Variants in LMO7 observed in about 807,000 individuals in gnomAD.
LMO7 encodes LIM domain only protein 7.
A neutral mutation model predicts 206.5 loss-of-function variants in LMO7; 120 were observed. That is an observed-to-expected ratio of 0.58 (90% CI 0.50 to 0.68). The LOEUF is 0.68. LMO7 is among the 30% of genes least tolerant of loss of function. LMO7 has a pLI of 0.00. For missense variants in LMO7, 1,959 were observed against 1,957.9 expected (o/e 1.00, Z -0.01); for synonymous variants, 706 against 681.5 (o/e 1.04, Z -0.56).
intron 3 of LMO7, among the ~76,000 whole-genome samples, chr13:75,756,916 C>T (rs2047722352): frequency 6.6e-6 from 1 of 152,174 alleles, no homozygotes; most frequent in African/African-American, 2.4e-5. Flanking sequence ...GGACATGAAT[C>T]ACTGAGGTGG....
At position 75,804,465 on chromosome 13, in the gene LMO7, A is replaced by G. The variant is rs368333382; in HGVS notation, c.838A>G (p.Lys280Glu). The part of the protein sequence containing the change: ...SYVPAPLRKK[K>E]PDKHEDNRRS... ...TGTACCAGCACCTCTGAGAAAGAAA[A>G]AGCCAGACAAACATGAGGATAACAG... The change falls in exon 8 of 31, where the codon AAG (lysine) becomes GAG (glutamate). Residue 280 changes from lysine to glutamate, a missense_variant. Coordinates refer to ENST00000377534, the MANE Select transcript of LMO7 (RefSeq NM_001306080.2). The G allele has an allele frequency of 2.3e-4, 376 of 1,614,080 alleles. No individual in the cohort carries two copies. Among genetic ancestry groups the G allele is most frequent in the Non-Finnish European group, 2.9e-4 (344 of 1,180,030 alleles).
intron 1 of LMO7, among the ~76,000 whole-genome samples, chr13:75,662,038 G>C (rs2038658047): frequency 6.6e-6 from 1 of 152,158 alleles, no homozygotes; most frequent in Admixed American, 6.5e-5. Flanking sequence ...AAAAGTGACA[G>C]TTTAACTGAG....
At chr13:75,851,846 A>G (rs1175916344) in intron 27 of LMO7, among the ~76,000 whole-genome samples, 2 of 152,216 alleles carry the variant, frequency 1.3e-5, no homozygotes, top group African/African-American at 4.8e-5. Flanking sequence ...TTCAGGTGCT[A>G]CATAAATGAG....
chr13:75,762,750 G>A (rs2048357037), intron 4 of LMO7, among the ~76,000 whole-genome samples: 3 of 152,136 alleles, frequency 2.0e-5, no homozygotes, highest in Non-Finnish European at 4.4e-5. Context: ...AGCAAGGTGT[G>A]CCTAAGTAGT....
chr13:75,807,977 G>A lies in LMO7; in HGVS notation c.1694G>A (p.Cys565Tyr), dbSNP rs767693717. The change falls in exon 10 of 31, where the codon TGC becomes TAC. Residue 565 changes from cysteine (C) to tyrosine (Y), a missense_variant. Physicochemically the swap from Cys to Tyr is radical, Grantham distance 194. Coordinates refer to ENST00000377534, the MANE Select transcript of LMO7 (RefSeq NM_001306080.2). ...TTTCTCTGTGTACTTGAAAGGACATGCCCATCCAAAGAAAAAAGTAATAGC... is the reference window on the plus strand; with the variant it reads ...TTTCTCTGTGTACTTGAAAGGACATACCCATCCAAAGAAAAAAGTAATAGC... ...AKFLCVLERTCPSKEKSNSCR... is the reference protein window; with the variant it reads ...AKFLCVLERTYPSKEKSNSCR... The A allele has an allele frequency of 1.2e-6, 2 of 1,613,874 alleles. No homozygotes were observed. Among genetic ancestry groups the A allele is most frequent in the Non-Finnish European group, 1.7e-6 (2 of 1,179,868 alleles).
intron 1 of LMO7, among the ~76,000 whole-genome samples, chr13:75,668,943 G>A (rs551302903): frequency 6.6e-6 from 1 of 152,278 alleles, no homozygotes; most frequent in East Asian, 1.9e-4. Flanking sequence ...TTGTGCTGAC[G>A]TTAGAGGTTT....
chr13:75,823,737 C>T lies in LMO7; in HGVS notation c.2813C>T (p.Thr938Ile), dbSNP rs762679870. 6.2e-7 allele frequency: 1 copy of T among 1,614,150 alleles called. No individual in the cohort carries two copies. Among genetic ancestry groups the T allele is most frequent in the East Asian group, 2.2e-5 (1 of 44,846 alleles). ...GATGTGACAAGGCTGCCCTCTCCTA[C>T]ATCCCCCTTCTCATCTCTTTCCCAA... ...EEDVTRLPSP[T>I]SPFSSLSQDQ... Residue 938 changes from threonine (T) to isoleucine (I), a missense_variant, in exon 15 of 31, where the codon ACA (threonine) becomes ATA (isoleucine). Transcript: ENST00000377534.
rs150913724 is a variant in LMO7, at chr13:75,760,250, TGGAG to T, written c.211-675_211-672del. On this transcript the variant is annotated intron_variant, in intron 3 of 30. Coordinates refer to ENST00000377534, the MANE Select transcript of LMO7 (RefSeq NM_001306080.2). Reference sequence around the variant, plus strand: ...TTGAAATTAGATATGAGGGCAACCTTGGAGGGAGGGGATAGGCTTTCATATTTTT... The same window carrying T: ...TTGAAATTAGATATGAGGGCAACCTTGGAGGGGATAGGCTTTCATATTTTT... The T allele has an allele frequency of 4.5e-3, 2,439 of 547,326 alleles. 35 individuals carry two copies. In the East Asian group the frequency reaches 0.063, roughly 14 times the overall value. The allele number at this position is 547,326 out of a possible 1,614,324, so 33.9% of individuals were successfully genotyped here.
At chr13:75,855,420 G>C (rs373770430) in intron 29 of LMO7, 52 bp downstream of exon 29, 6 of 1,226,366 alleles carry the variant, frequency 4.9e-6, no homozygotes, top group South Asian at 2.5e-5. Context: ...CTTGGAGAGC[G>C]CATGGCTGCT....
Position 75,687,347 on chromosome 13 carries a change from A to G in LMO7, c.70-25835A>G, listed in dbSNP as rs145136024. On this transcript the variant is annotated intron_variant, in intron 1 of 30. Transcript: ENST00000377534. ...AAAAAACAGGACAGTTCTGGAGCAC[A>G]AAGTACAATGTGGCCACCAGAGGGT... is the stretch of plus-strand genomic sequence containing the variant. 1.6e-3 allele frequency among the ~76,000 whole-genome samples: 248 copies of G among 152,296 alleles called. 1 individual carries two copies. Among genetic ancestry groups the G allele is most frequent in the African/African-American group, 5.8e-3 (243 of 41,564 alleles).
chr13:75,713,097 A>C (rs2043251241), intron 1 of LMO7, 85 bp from the exon 2 acceptor site: 2 of 854,000 alleles, frequency 2.3e-6, no homozygotes, highest in Non-Finnish European at 3.8e-6. Flanking sequence ...ATAACATTAA[A>C]TGCATATTAA....
intron 7 of LMO7, among the ~76,000 whole-genome samples, chr13:75,802,774 C>G (rs780254830): frequency 6.6e-6 from 1 of 152,132 alleles, no homozygotes; most frequent in Non-Finnish European, 1.5e-5. Flanking sequence ...CGATAAAGCT[C>G]TTTTGTGATC....
upstream of LMO7, chr13:75,635,937 G>C (rs370378210): frequency 6.6e-6 from 1 of 152,176 alleles, no homozygotes; most frequent in African/African-American, 2.4e-5. Flanking sequence ...TTTCTTGGCC[G>C]GGAAAGGTAC....
chr13:75,833,307 T>G (rs1014061418), intron 16 of LMO7, 142 bp downstream of exon 16: 21 of 612,784 alleles, frequency 3.4e-5, no homozygotes, highest in Admixed American at 1.1e-4. Flanking sequence ...AAATACATCC[T>G]CTTTCCTGAG....
rs750361918 is a variant in LMO7 at position 75,623,274 on chromosome 13, T to C, written c.179T>C (p.Ile60Thr). ...CTAATCATGACTTTTTACACAGATA[T>C]AATTTTGAGGACTGAACAAAATTCA... Residue 60 changes from isoleucine to threonine, a missense_variant, in exon 2 of 30, where the codon ATA becomes ACA. By Grantham distance (89) the Ile-to-Thr change is moderately conservative. Transcript: ENST00000341547. 6.7e-5 allele frequency: 95 copies of C among 1,417,554 alleles called. No individual in the cohort carries two copies. Among genetic ancestry groups the C allele is most frequent in the Non-Finnish European group, 8.7e-5 (87 of 1,004,386 alleles). The allele number at this position is 1,417,554 out of a possible 1,614,324, so 87.8% of individuals were successfully genotyped here.
Position 75,636,475 on chromosome 13 carries a change from GAGA to G in LMO7, c.-182_-180del. Reference sequence around the variant, plus strand: ...CAGGTCTTCACGTTCGTGTAGGTTCGAGACCTTAACGAACTGCAGAGCGCAACA... The same window carrying G: ...CAGGTCTTCACGTTCGTGTAGGTTCGCCTTAACGAACTGCAGAGCGCAACA... On this transcript the variant is annotated 5_prime_UTR_variant, in exon 1 of 31. Transcript: ENST00000377534. 6.9e-7 allele frequency: 1 copy of G among 1,447,766 alleles called. No individual in the cohort carries two copies. Among genetic ancestry groups the G allele is most frequent in the East Asian group, 2.5e-5 (1 of 39,642 alleles). 89.7% of individuals were successfully genotyped at this position (1,447,766 alleles called of 1,614,324 possible).
intron 3 of LMO7, among the ~76,000 whole-genome samples, chr13:75,733,388 C>T (rs2045468707): frequency 6.6e-6 from 1 of 152,208 alleles, no homozygotes; most frequent in African/African-American, 2.4e-5. Flanking sequence ...GACTGCTGTG[C>T]TAGCAATCAG....
At chr13:75,727,624 C>CT (rs917301955) in intron 3 of LMO7, among the ~76,000 whole-genome samples, 1 of 151,586 alleles carries the variant, frequency 6.6e-6, no homozygotes, top group Non-Finnish European at 1.5e-5. Flanking sequence ...GCTTTTTTCT[C>CT]TTTTTTTATT....
chr13:75,655,990 C>T (rs994577282), intron 1 of LMO7, among the ~76,000 whole-genome samples: 1 of 152,110 alleles, frequency 6.6e-6, no homozygotes, highest in African/African-American at 2.4e-5. Context: ...CTTGAGACAC[C>T]AGCAGGAGAT....
Sources: allele counts gnomAD v4.1 joint callset (sites outside exome capture counted in the v4.1 genomes callset), GRCh38; gene constraint gnomAD v4.1.1; transcripts MANE v1.5; gene names NCBI Gene and HGNC (gene_info 2026-07-23, HGNC 2026-07-21).